Variants in KRTAP10-8 observed in about 807,000 individuals in gnomAD.
KRTAP10-8 encodes keratin associated protein 10-8.
For missense variants in KRTAP10-8, 323 were observed against 329.3 expected, an observed-to-expected ratio of 0.98 and a Z score of 0.15; for synonymous variants, 153 against 139.5, an observed-to-expected ratio of 1.10 and a Z score of -0.68.
chr21:44,612,914 T>G lies in KRTAP10-8; in HGVS notation c.*34T>G, dbSNP rs782427171. The G allele has an allele frequency of 1.2e-5, 20 of 1,604,722 alleles. 1 individual carries two copies. The highest frequency in any genetic ancestry group is 1.8e-4 in the Middle Eastern group (1 of 5,446). Reference sequence around the variant, plus strand: ...CTCAGGCCAGGAGTCCAGCTGCTGATGGGCACGTCCCCCAGGGCCAGCCGG... The same window carrying G: ...CTCAGGCCAGGAGTCCAGCTGCTGAGGGGCACGTCCCCCAGGGCCAGCCGG... On this transcript the variant is annotated 3_prime_UTR_variant, in exon 1 of 1. Transcript: ENST00000334662. The surrounding 1 kb of genome is among the most constrained non-coding windows in gnomAD (Gnocchi z 4.1).
In KRTAP10-8 at chr21:44,612,812, A is replaced by T; in HGVS notation, c.712A>T (p.Ser238Cys). ...CCVPASSCQPSCCHPASCLSF... is the reference protein window; with the variant it reads ...CCVPASSCQPCCCHPASCLSF... ...TGTCCCTGCCTCCTCCTGCCAGCCCAGCTGCTGCCACCCGGCCTCCTGCCT... is the reference window on the plus strand; with the variant it reads ...TGTCCCTGCCTCCTCCTGCCAGCCCTGCTGCTGCCACCCGGCCTCCTGCCT... Residue 238 changes from serine (S) to cysteine (C), a missense_variant, in exon 1 of 1, where the codon AGC (serine) becomes TGC (cysteine). Transcript: ENST00000334662. The surrounding 1 kb of genome is among the most constrained non-coding windows in gnomAD (Gnocchi z 4.1). 1 of 1,612,030 alleles carries T rather than the reference A, an allele frequency of 6.2e-7. No individual in the cohort carries two copies.
Position 44,612,538 on chromosome 21 carries a change from CCAG to C in KRTAP10-8, c.442_444del (p.Gln148del). On this transcript the variant is annotated inframe_deletion, in exon 1 of 1. Coordinates refer to ENST00000334662, the MANE Select transcript of KRTAP10-8 (RefSeq NM_198695.2). The surrounding 1 kb of genome is among the most constrained non-coding windows in gnomAD (Gnocchi z 4.1). The stretch of plus-strand genomic sequence containing the variant: ...GCTCTGGAGCTTCCTCCCCATGCTG[CCAG>C]CAGTCTAGCTGCCAGTCAGCTTGCT... 1 of 1,613,602 alleles carries C rather than the reference CCAG, an allele frequency of 6.2e-7. No homozygotes were observed.
Position 44,612,824 on chromosome 21 carries a change from C to A in KRTAP10-8, c.724C>A (p.Pro242Thr). The A allele has an allele frequency of 6.2e-7, 1 of 1,612,986 alleles. No homozygotes were observed. Among genetic ancestry groups the A allele is most frequent in the African/African-American group, 1.3e-5 (1 of 74,994 alleles). ...ASSCQPSCCHPASCLSFLCRP... is the reference protein window; with the variant it reads ...ASSCQPSCCHTASCLSFLCRP... ...CTCCTGCCAGCCCAGCTGCTGCCAC[C>A]CGGCCTCCTGCCTGTCCTTCCTCTG... The change falls in exon 1 of 1, where the codon CCG (proline) becomes ACG (threonine). Residue 242 changes from proline to threonine, a missense_variant. Coordinates refer to ENST00000334662, the MANE Select transcript of KRTAP10-8 (RefSeq NM_198695.2). This position sits in a 1 kb window ranked among gnomAD's most constrained non-coding sequence, Gnocchi z 4.1.
Position 44,612,244 on chromosome 21 carries a change from A to G in KRTAP10-8, c.144A>G (p.Glu48=). The G allele has an allele frequency of 1.2e-6, 2 of 1,613,686 alleles. No homozygotes were observed. Among genetic ancestry groups the G allele is most frequent in the Non-Finnish European group, 1.7e-6 (2 of 1,179,982 alleles). ...GSSWQVDNCQ[E]SCCEPRSCAS... is the part of the protein sequence containing the mutation. ...CCTGGCAGGTGGACAATTGCCAGGA[A>G]AGCTGCTGCGAGCCCCGCTCCTGTG... is the stretch of plus-strand genomic sequence containing the variant. Residue 48 remains glutamate (E), a synonymous_variant, in exon 1 of 1, where the codon GAA becomes GAG. Coordinates refer to ENST00000334662, the MANE Select transcript of KRTAP10-8 (RefSeq NM_198695.2). The surrounding 1 kb of genome is among the most constrained non-coding windows in gnomAD (Gnocchi z 4.1).
At position 44,612,867 on chromosome 21, in the gene KRTAP10-8, G is replaced by A. The variant is rs753364581; in HGVS notation, c.767G>A (p.Arg256His). The A allele has an allele frequency of 1.6e-5, 26 of 1,611,478 alleles. No individual in the cohort carries two copies. The highest frequency in any genetic ancestry group is 2.1e-5 in the Non-Finnish European group (25 of 1,179,710). Reference protein sequence around the residue: ...LSFLCRPACSRLAC With the variant: ...LSFLCRPACSHLAC The stretch of plus-strand genomic sequence containing the variant: ...TTCCTCTGCCGCCCCGCGTGCTCCC[G>A]CCTGGCCTGCTGAGGCCTCTGCTCA... Residue 256 changes from arginine (R) to histidine (H), a missense_variant, in exon 1 of 1, where the codon CGC (arginine) becomes CAC (histidine). By Grantham distance (29) the Arg-to-His change is conservative. Coordinates refer to ENST00000334662, the MANE Select transcript of KRTAP10-8 (RefSeq NM_198695.2). The surrounding 1 kb of genome is among the most constrained non-coding windows in gnomAD (Gnocchi z 4.1).
rs114515285 is a variant in KRTAP10-8, at chr21:44,612,509, A to C, written c.409A>C (p.Ile137Leu). Residue 137 changes from isoleucine to leucine, a missense_variant, in exon 1 of 1, where the codon ATC becomes CTC. Ile to Leu is a conservative substitution (Grantham distance 5). Coordinates refer to ENST00000334662, the MANE Select transcript of KRTAP10-8 (RefSeq NM_198695.2). The surrounding 1 kb of genome is among the most constrained non-coding windows in gnomAD (Gnocchi z 4.1). ...CTGCAAGCCCGTGTGCTGCGTGTCC[A>C]TCTGCTCTGGAGCTTCCTCCCCATG... is the stretch of plus-strand genomic sequence containing the variant. Reference protein sequence around the residue: ...NCCKPVCCVSICSGASSPCCQ... With the variant: ...NCCKPVCCVSLCSGASSPCCQ... 2,477 of 1,604,484 alleles carry C rather than the reference A, an allele frequency of 1.5e-3. 37 individuals carry two copies. In the African/African-American group the frequency reaches 0.031, roughly 20 times the overall value.
chr21:44,612,794 G>T lies in KRTAP10-8; in HGVS notation c.694G>T (p.Ala232Ser). ...CVPVPSCCVPASSCQPSCCHP... is the reference protein window; with the variant it reads ...CVPVPSCCVPSSSCQPSCCHP... ...GCCTGTCCCCTCCTGTTGTGTCCCT[G>T]CCTCCTCCTGCCAGCCCAGCTGCTG... The change falls in exon 1 of 1, where the codon GCC becomes TCC. Residue 232 changes from alanine to serine, a missense_variant. Coordinates refer to ENST00000334662, the MANE Select transcript of KRTAP10-8 (RefSeq NM_198695.2). The surrounding 1 kb of genome is among the most constrained non-coding windows in gnomAD (Gnocchi z 4.1). 6.2e-7 allele frequency: 1 copy of T among 1,612,888 alleles called. No individual in the cohort carries two copies. Among genetic ancestry groups the T allele is most frequent in the Non-Finnish European group, 8.5e-7 (1 of 1,179,872 alleles).
Position 44,612,431 on chromosome 21 carries a change from T to C in KRTAP10-8, c.331T>C (p.Ser111Pro), listed in dbSNP as rs1208449953. The C allele has an allele frequency of 6.2e-7, 1 of 1,610,196 alleles. No homozygotes were observed. The highest frequency in any genetic ancestry group is 1.4e-5 in the African/African-American group (1 of 73,402). Reference protein sequence around the residue: ...QSSCQPACCTSSPCQQACCVP... With the variant: ...QSSCQPACCTPSPCQQACCVP... Reference sequence around the variant, plus strand: ...TAGCTGCCAGCCGGCTTGCTGCACCTCCTCCCCCTGCCAACAGGCCTGCTG... The same window carrying C: ...TAGCTGCCAGCCGGCTTGCTGCACCCCCTCCCCCTGCCAACAGGCCTGCTG... The change falls in exon 1 of 1, where the codon TCC becomes CCC. Residue 111 changes from serine to proline, a missense_variant. Physicochemically the swap from Ser to Pro is moderately conservative, Grantham distance 74 (BLOSUM62 -1). Transcript: ENST00000334662. The surrounding 1 kb of genome is among the most constrained non-coding windows in gnomAD (Gnocchi z 4.1).
At position 44,612,793 on chromosome 21, in the gene KRTAP10-8, T is replaced by C; in HGVS notation, c.693T>C (p.Pro231=). 1 of 1,613,302 alleles carries C rather than the reference T, an allele frequency of 6.2e-7. No individual in the cohort carries two copies. Among genetic ancestry groups the C allele is most frequent in the South Asian group, 1.1e-5 (1 of 91,034 alleles). Residue 231 remains proline, a synonymous_variant, in exon 1 of 1, where the codon CCT becomes CCC. Transcript: ENST00000334662. This position sits in a 1 kb window ranked among gnomAD's most constrained non-coding sequence, Gnocchi z 4.1. Reference sequence around the variant, plus strand: ...TGCCTGTCCCCTCCTGTTGTGTCCCTGCCTCCTCCTGCCAGCCCAGCTGCT... The same window carrying C: ...TGCCTGTCCCCTCCTGTTGTGTCCCCGCCTCCTCCTGCCAGCCCAGCTGCT... ...CCVPVPSCCV[P]ASSCQPSCCH... is the part of the protein sequence containing the mutation.
chr21:44,612,299 G>A lies in KRTAP10-8; in HGVS notation c.199G>A (p.Ala67Thr). The change falls in exon 1 of 1, where the codon GCC (alanine) becomes ACC (threonine). Residue 67 changes from alanine to threonine, a missense_variant. Transcript: ENST00000334662. This position sits in a 1 kb window ranked among gnomAD's most constrained non-coding sequence, Gnocchi z 4.1. ...CAGCTGCTGTACCCCTAGCTGCTGT[G>A]CCCCAGCCCCCTGCCTGGCCCTGGT... ...ASSCCTPSCC[A>T]PAPCLALVCA... is the part of the protein sequence containing the mutation. The A allele has an allele frequency of 1.9e-6, 3 of 1,613,538 alleles. No individual in the cohort carries two copies. Among genetic ancestry groups the A allele is most frequent in the Non-Finnish European group, 2.5e-6 (3 of 1,179,990 alleles).
At position 44,612,531 on chromosome 21, in the gene KRTAP10-8, C is replaced by G. The variant is rs1981770371; in HGVS notation, c.431C>G (p.Pro144Arg). 1 of 1,611,110 alleles carries G rather than the reference C, an allele frequency of 6.2e-7. No individual in the cohort carries two copies. Reference sequence around the variant, plus strand: ...TCCATCTGCTCTGGAGCTTCCTCCCCATGCTGCCAGCAGTCTAGCTGCCAG... The same window carrying G: ...TCCATCTGCTCTGGAGCTTCCTCCCGATGCTGCCAGCAGTCTAGCTGCCAG... Reference protein sequence around the residue: ...CVSICSGASSPCCQQSSCQSA... With the variant: ...CVSICSGASSRCCQQSSCQSA... Residue 144 changes from proline to arginine, a missense_variant, in exon 1 of 1, where the codon CCA becomes CGA. Transcript: ENST00000334662. This position sits in a 1 kb window ranked among gnomAD's most constrained non-coding sequence, Gnocchi z 4.1.
At position 44,612,727 on chromosome 21, in the gene KRTAP10-8, G is replaced by A. The variant is rs1328125616; in HGVS notation, c.627G>A (p.Val209=). Residue 209 remains valine, a synonymous_variant, in exon 1 of 1, where the codon GTG becomes GTA. Transcript: ENST00000334662. The surrounding 1 kb of genome is among the most constrained non-coding windows in gnomAD (Gnocchi z 4.1). ...CCTGCTGCAGACCCTCCTCCTCCGT[G>A]TCCCTCCTCTGCCGCCCTGTGTGCC... ...TTSCCRPSSS[V]SLLCRPVCRP... 1.2e-6 allele frequency: 2 copies of A among 1,613,608 alleles called. No homozygotes were observed. The highest frequency in any genetic ancestry group is 1.7e-6 in the Non-Finnish European group (2 of 1,179,928).
rs1198766747 is a variant in KRTAP10-8, at chr21:44,612,699, C to T, written c.599C>T (p.Thr200Ile). ...AGCTGCCAGCCGGCTTGCTGCACCA[C>T]CTCCTGCTGCAGACCCTCCTCCTCC... Reference protein sequence around the residue: ...KSSCQPACCTTSCCRPSSSVS... With the variant: ...KSSCQPACCTISCCRPSSSVS... Residue 200 changes from threonine to isoleucine, a missense_variant, in exon 1 of 1, where the codon ACC (threonine) becomes ATC (isoleucine). Physicochemically the swap from Thr to Ile is moderately conservative, Grantham distance 89. Coordinates refer to ENST00000334662, the MANE Select transcript of KRTAP10-8 (RefSeq NM_198695.2). This position sits in a 1 kb window ranked among gnomAD's most constrained non-coding sequence, Gnocchi z 4.1. The T allele has an allele frequency of 3.1e-6, 5 of 1,613,946 alleles. No individual in the cohort carries two copies. Among genetic ancestry groups the T allele is most frequent in the Non-Finnish European group, 4.2e-6 (5 of 1,179,972 alleles).
Position 44,612,291 on chromosome 21 carries a change from G to A in KRTAP10-8, c.191G>A (p.Ser64Asn). 3 of 1,613,524 alleles carry A rather than the reference G, an allele frequency of 1.9e-6. No individual in the cohort carries two copies. Among genetic ancestry groups the A allele is most frequent in the Non-Finnish European group, 2.5e-6 (3 of 1,179,998 alleles). Residue 64 changes from serine (S) to asparagine (N), a missense_variant, in exon 1 of 1, where the codon AGC becomes AAC. Ser to Asn is a conservative substitution (Grantham distance 46). Coordinates refer to ENST00000334662, the MANE Select transcript of KRTAP10-8 (RefSeq NM_198695.2). The surrounding 1 kb of genome is among the most constrained non-coding windows in gnomAD (Gnocchi z 4.1). ...RSCASSCCTP[S>N]CCAPAPCLAL... ...TGTGCCTCCAGCTGCTGTACCCCTA[G>A]CTGCTGTGCCCCAGCCCCCTGCCTG...
Position 44,612,861 on chromosome 21 carries a change from G to A in KRTAP10-8, c.761G>A (p.Cys254Tyr), listed in dbSNP as rs1555931562. Reference sequence around the variant, plus strand: ...CTGTCCTTCCTCTGCCGCCCCGCGTGCTCCCGCCTGGCCTGCTGAGGCCTC... The same window carrying A: ...CTGTCCTTCCTCTGCCGCCCCGCGTACTCCCGCCTGGCCTGCTGAGGCCTC... ...SCLSFLCRPACSRLAC is the reference protein window; with the variant it reads ...SCLSFLCRPAYSRLAC The change falls in exon 1 of 1, where the codon TGC becomes TAC. Residue 254 changes from cysteine (C) to tyrosine (Y), a missense_variant. Physicochemically the swap from Cys to Tyr is radical, Grantham distance 194. Transcript: ENST00000334662. The surrounding 1 kb of genome is among the most constrained non-coding windows in gnomAD (Gnocchi z 4.1). The A allele has an allele frequency of 6.2e-6, 10 of 1,611,886 alleles. No individual in the cohort carries two copies. Among genetic ancestry groups the A allele is most frequent in the Non-Finnish European group, 8.5e-6 (10 of 1,179,734 alleles).
At position 44,612,516 on chromosome 21, in the gene KRTAP10-8, C is replaced by A. The variant is rs1555931417; in HGVS notation, c.416C>A (p.Ser139Tyr). The A allele has an allele frequency of 1.2e-6, 2 of 1,609,518 alleles. No homozygotes were observed. The highest frequency in any genetic ancestry group is 1.3e-5 in the African/African-American group (1 of 74,274). Reference protein sequence around the residue: ...CKPVCCVSICSGASSPCCQQS... With the variant: ...CKPVCCVSICYGASSPCCQQS... Reference sequence around the variant, plus strand: ...CCCGTGTGCTGCGTGTCCATCTGCTCTGGAGCTTCCTCCCCATGCTGCCAG... The same window carrying A: ...CCCGTGTGCTGCGTGTCCATCTGCTATGGAGCTTCCTCCCCATGCTGCCAG... Residue 139 changes from serine to tyrosine, a missense_variant, in exon 1 of 1, where the codon TCT (serine) becomes TAT (tyrosine). Ser to Tyr is a moderately radical substitution (Grantham distance 144). Coordinates refer to ENST00000334662, the MANE Select transcript of KRTAP10-8 (RefSeq NM_198695.2). The surrounding 1 kb of genome is among the most constrained non-coding windows in gnomAD (Gnocchi z 4.1).
Position 44,612,796 on chromosome 21 carries a change from C to T in KRTAP10-8, c.696C>T (p.Ala232=). Residue 232 remains alanine, a synonymous_variant, in exon 1 of 1, where the codon GCC becomes GCT. Coordinates refer to ENST00000334662, the MANE Select transcript of KRTAP10-8 (RefSeq NM_198695.2). This position sits in a 1 kb window ranked among gnomAD's most constrained non-coding sequence, Gnocchi z 4.1. ...CTGTCCCCTCCTGTTGTGTCCCTGC[C>T]TCCTCCTGCCAGCCCAGCTGCTGCC... ...CVPVPSCCVP[A]SSCQPSCCHP... 6.2e-7 allele frequency: 1 copy of T among 1,613,618 alleles called. No homozygotes were observed. The highest frequency in any genetic ancestry group is 1.1e-5 in the South Asian group (1 of 91,056).
chr21:44,612,775 C>G lies in KRTAP10-8; in HGVS notation c.675C>G (p.Val225=). The G allele has an allele frequency of 6.2e-7, 1 of 1,613,682 alleles. No homozygotes were observed. Among genetic ancestry groups the G allele is most frequent in the Non-Finnish European group, 8.5e-7 (1 of 1,179,964 alleles). The part of the protein sequence containing the change: ...PVCRPACCVP[V]PSCCVPASSC... ...GCCGGCCTGCCTGCTGTGTGCCTGT[C>G]CCCTCCTGTTGTGTCCCTGCCTCCT... The change falls in exon 1 of 1, where the codon GTC becomes GTG. Residue 225 remains valine, a synonymous_variant. Coordinates refer to ENST00000334662, the MANE Select transcript of KRTAP10-8 (RefSeq NM_198695.2). The surrounding 1 kb of genome is among the most constrained non-coding windows in gnomAD (Gnocchi z 4.1).
In KRTAP10-8 at chr21:44,612,271, C is replaced by T. The variant is rs782601166; in HGVS notation, c.171C>T (p.Ala57=). ...QESCCEPRSC[A]SSCCTPSCCA... ...GCTGCTGCGAGCCCCGCTCCTGTGCCTCCAGCTGCTGTACCCCTAGCTGCT... is the reference window on the plus strand; with the variant it reads ...GCTGCTGCGAGCCCCGCTCCTGTGCTTCCAGCTGCTGTACCCCTAGCTGCT... Residue 57 remains alanine, a synonymous_variant, in exon 1 of 1, where the codon GCC becomes GCT. Transcript: ENST00000334662. This position sits in a 1 kb window ranked among gnomAD's most constrained non-coding sequence, Gnocchi z 4.1. The T allele has an allele frequency of 6.2e-7, 1 of 1,613,560 alleles. No homozygotes were observed. Among genetic ancestry groups the T allele is most frequent in the South Asian group, 1.1e-5 (1 of 91,076 alleles).
Sources: gnomAD v4.1 joint callset for allele counts on GRCh38, gnomAD v4.1.1 for gene constraint, Gnocchi (gnomAD v3.1) non-coding constraint, MANE v1.5 for transcripts, NCBI Gene and HGNC (gene_info 2026-07-23, HGNC 2026-07-21) for gene names.